HS3ST5: variants seen among roughly 807,000 people sequenced by gnomAD.
HS3ST5 encodes heparan sulfate-glucosamine 3-sulfotransferase 5.
In HS3ST5, 10 loss-of-function variants were observed where a neutral mutation model predicts 25.4. The observed-to-expected ratio is 0.39, with a 90% CI of 0.24 to 0.67. The LOEUF is 0.67. Ranked by LOEUF, HS3ST5 falls within the 30% of genes least tolerant of loss-of-function variation. HS3ST5 has a pLI of 0.44. For missense variants in HS3ST5, 324 were observed against 420.7 expected (o/e 0.77, Z 2.01); for synonymous variants, 170 against 162.4 (o/e 1.05, Z -0.36).
At chr6:114,155,785 G>C (rs1778671678) in intron 3 of HS3ST5, among the ~76,000 whole-genome samples, 1 of 152,166 alleles carries the variant, frequency 6.6e-6, no homozygotes. Context: ...CTTGGGCTTG[G>C]TGTGAAATGT....
At chr6:114,287,836 T>C (rs186452442) in intron 1 of HS3ST5, among the ~76,000 whole-genome samples, 1 of 152,066 alleles carries the variant, frequency 6.6e-6, no homozygotes, top group African/African-American at 2.4e-5. Context: ...GCAGAAGACA[T>C]AAAATCCCCC....
At chr6:114,183,892 T>G (rs922882033) in intron 2 of HS3ST5, among the ~76,000 whole-genome samples, 2 of 152,126 alleles carry the variant, frequency 1.3e-5, no homozygotes, top group Non-Finnish European at 2.9e-5. Context: ...GAGGAATATC[T>G]TATTAAACAA....
intron 1 of HS3ST5, among the ~76,000 whole-genome samples, chr6:114,327,514 A>G (rs1776219478): frequency 6.6e-6 from 1 of 152,250 alleles, no homozygotes; most frequent in Admixed American, 6.5e-5. Flanking sequence ...AGCATTTATA[A>G]TGGCAAATTA....
chr6:114,314,781 C>G (rs1467920437), intron 1 of HS3ST5, among the ~76,000 whole-genome samples: 2 of 152,156 alleles, frequency 1.3e-5, no homozygotes, highest in Non-Finnish European at 2.9e-5. Context: ...CATAGATAAA[C>G]AGTAGGTACA....
chr6:114,096,763 T>A (rs2056301), intron 3 of HS3ST5, among the ~76,000 whole-genome samples: 40,264 of 151,962 alleles, frequency 0.26, 5,623 homozygotes, highest in African/African-American at 0.34. Flanking sequence ...ACTAGGGGGC[T>A]CTCTAATATT....
rs960827965 is a variant in HS3ST5 at position 114,079,036 on chromosome 6, T to TA, written c.-32-16160dup. Among the ~76,000 whole-genome samples the TA allele has an allele frequency of 6.6e-5, 10 of 152,338 alleles. No homozygotes were observed. The South Asian group carries it at 8.3e-4, about 13-fold the overall frequency. On this transcript the variant is annotated intron_variant, in intron 3 of 4. Transcript: ENST00000312719. Reference sequence around the variant, plus strand: ...CCTTAATTTTAAAATATTGTATTGCTAAAAAAATGCTAATGATCAGCTGGG... The same window carrying TA: ...CCTTAATTTTAAAATATTGTATTGCTAAAAAAAATGCTAATGATCAGCTGGG...
At chr6:114,104,366 A>C (rs761472295) in intron 3 of HS3ST5, among the ~76,000 whole-genome samples, 1 of 152,156 alleles carries the variant, frequency 6.6e-6, no homozygotes, top group African/African-American at 2.4e-5. Flanking sequence ...ATCAGTGTTT[A>C]TATCAGTGGT....
chr6:114,235,583 C>A (rs1034550842), intron 1 of HS3ST5: 2 of 152,102 alleles, frequency 1.3e-5, no homozygotes, highest in Admixed American at 6.5e-5. Flanking sequence ...AAGGGGAGGG[C>A]TAGATGAGAG....
At chr6:114,146,336 G>A (rs1461523854) in intron 3 of HS3ST5, among the ~76,000 whole-genome samples, 1 of 152,212 alleles carries the variant, frequency 6.6e-6, no homozygotes, top group African/African-American at 2.4e-5. Flanking sequence ...GACCTAAATT[G>A]ACTAAGTTCT....
intron 1 of HS3ST5, among the ~76,000 whole-genome samples, chr6:114,268,967 G>A (rs748640717): frequency 7.2e-5 from 11 of 152,116 alleles, no homozygotes; most frequent in South Asian, 2.1e-4. Context: ...CTCAAGTTGC[G>A]AAAGTTATGA....
intron 3 of HS3ST5, among the ~76,000 whole-genome samples, chr6:114,148,164 C>G (rs2114952862): frequency 6.6e-6 from 1 of 152,186 alleles, no homozygotes; most frequent in Admixed American, 6.5e-5. Context: ...ACAAACCTGA[C>G]AAAAACAAGC....
chr6:114,188,217 T>C (rs1426120059), intron 2 of HS3ST5, among the ~76,000 whole-genome samples: 2 of 152,134 alleles, frequency 1.3e-5, no homozygotes, highest in African/African-American at 4.8e-5. Flanking sequence ...AAGTCGACAC[T>C]TATCCCATAA....
At chr6:114,329,434 T>G (rs960217674) in intron 1 of HS3ST5, among the ~76,000 whole-genome samples, 2 of 152,310 alleles carry the variant, frequency 1.3e-5, no homozygotes, top group South Asian at 4.1e-4. Flanking sequence ...TAATGCAGTC[T>G]GCTTTGCTCC....
At chr6:114,095,790 T>C (rs1775393584) in intron 3 of HS3ST5, among the ~76,000 whole-genome samples, 6 of 152,084 alleles carry the variant, frequency 3.9e-5, no homozygotes, top group Admixed American at 3.3e-4. Flanking sequence ...TCTTACAATA[T>C]TTTCTACTAG....
rs927347358 is a variant in HS3ST5, at chr6:114,240,661, T to A, written c.-338-11883A>T. The stretch of plus-strand genomic sequence containing the variant: ...AAAGCTCGCCATGTAATCTGGACTC[T>A]CTTCTCTATGTAATTAAAGTCATTT... On this transcript the variant is annotated intron_variant, in intron 1 of 4. Coordinates refer to ENST00000312719, the MANE Select transcript of HS3ST5 (RefSeq NM_153612.4). 6.2e-4 allele frequency among the ~76,000 whole-genome samples: 94 copies of A among 151,610 alleles called. 1 individual carries two copies. Among genetic ancestry groups the A allele is most frequent in the Admixed American group, 6.1e-3 (92 of 15,198 alleles).
intron 1 of HS3ST5, among the ~76,000 whole-genome samples, chr6:114,294,685 G>A (rs1213810046): frequency 6.6e-6 from 1 of 151,914 alleles, no homozygotes; most frequent in Admixed American, 6.6e-5. Context: ...TGCCCACCTC[G>A]GCCTCCCAAA....
At chr6:114,084,934 CGATT>C in intron 3 of HS3ST5, 1 of 467,936 alleles carries the variant, frequency 2.1e-6, no homozygotes, top group Non-Finnish European at 3.9e-6. Flanking sequence ...CGGGTTCAAG[CGATT>C]CCCCTGCCTC....
At chr6:114,158,839 T>C (rs1778813798) in intron 3 of HS3ST5, among the ~76,000 whole-genome samples, 1 of 152,226 alleles carries the variant, frequency 6.6e-6, no homozygotes, top group Non-Finnish European at 1.5e-5. Context: ...AAGCATATAA[T>C]TGGGCAAACC....
At chr6:114,274,857 G>GTCAT (rs1243614298) in intron 1 of HS3ST5, among the ~76,000 whole-genome samples, 1 of 151,942 alleles carries the variant, frequency 6.6e-6, no homozygotes, top group Non-Finnish European at 1.5e-5. Context: ...ATGTGTCAGA[G>GTCAT]TCATCTTTGT....
Sources: allele counts gnomAD v4.1 joint callset (sites outside exome capture counted in the v4.1 genomes callset), GRCh38; gene constraint gnomAD v4.1.1; transcripts MANE v1.5; gene names NCBI Gene and HGNC (gene_info 2026-07-23, HGNC 2026-07-21).